Variants in SHTN1 observed in about 807,000 individuals in gnomAD.
SHTN1 encodes the protein shootin 1, also known as shootin-1.
In SHTN1, 42 loss-of-function variants were observed where a neutral mutation model predicts 83.1. The ratio of observed to expected loss-of-function variants is 0.51; its 90% CI spans 0.39 to 0.65. The LOEUF is 0.65. Among genes scored for constraint, SHTN1 ranks in the 30% least tolerant of loss-of-function variants. SHTN1 has a pLI of 0.00. For missense variants in SHTN1, 622 were observed against 737.8 expected (o/e 0.84, Z 1.82); for synonymous variants, 224 against 247.7 (o/e 0.90, Z 0.90).
rs546242994 is a variant in SHTN1, at chr10:116,998,006, G to T, written c.58+7016C>A. Among the ~76,000 whole-genome samples the T allele has an allele frequency of 6.6e-5, 10 of 152,244 alleles. No homozygotes were observed. The South Asian group carries it at 1.9e-3, about 28-fold the overall frequency. ...ACTCGGGAGGCAGAGGCAGGAGAAT[G>T]GTGTGAACCTGGGAGGCGGAGCTTG... On this transcript the variant is annotated intron_variant, in intron 1 of 16. Transcript: ENST00000355371.
intron 1 of SHTN1, among the ~76,000 whole-genome samples, chr10:116,982,904 A>T (rs1370065668): frequency 1.3e-5 from 2 of 151,878 alleles, no homozygotes; most frequent in Non-Finnish European, 2.9e-5. Flanking sequence ...CGGAGGTTGC[A>T]GTGAGCCGAG....
At chr10:116,931,855 A>T (rs1848980706) in intron 9 of SHTN1, among the ~76,000 whole-genome samples, 1 of 152,248 alleles carries the variant, frequency 6.6e-6, no homozygotes, top group Non-Finnish European at 1.5e-5. Context: ...GCTGTATTTT[A>T]AAAATGTATT....
intron 16 of SHTN1, among the ~76,000 whole-genome samples, chr10:116,897,608 G>A (rs937966176): frequency 6.6e-6 from 1 of 152,188 alleles, no homozygotes; most frequent in South Asian, 2.1e-4. Context: ...CAATATAATT[G>A]TAAGATAAGA....
At chr10:116,979,405 G>T in intron 1 of SHTN1, 97 bp from the exon 2 acceptor site, 1 of 932,924 alleles carries the variant, frequency 1.1e-6, no homozygotes, top group Non-Finnish European at 1.7e-6. Flanking sequence ...TTCTTACTAG[G>T]TTGAGGTAGG....
chr10:116,908,653 G>C (rs1479108952), intron 14 of SHTN1, among the ~76,000 whole-genome samples: 1 of 152,094 alleles, frequency 6.6e-6, no homozygotes, highest in East Asian at 1.9e-4. Context: ...TCAATGGCTT[G>C]ATTTAATTCA....
chr10:116,930,743 C>T (rs144719476), intron 9 of SHTN1, among the ~76,000 whole-genome samples: 164 of 152,224 alleles, frequency 1.1e-3, no homozygotes, highest in Non-Finnish European at 1.8e-3. Flanking sequence ...GGGCATATAT[C>T]CAATAATGGG....
At chr10:116,923,890 C>T (rs1041501366) in intron 11 of SHTN1, among the ~76,000 whole-genome samples, 1 of 152,054 alleles carries the variant, frequency 6.6e-6, no homozygotes, top group African/African-American at 2.4e-5. Flanking sequence ...CTTTTTTTTA[C>T]TTTTCACTTC....
intron 1 of SHTN1, among the ~76,000 whole-genome samples, chr10:117,057,556 C>T (rs1898349): frequency 0.25 from 38,530 of 152,008 alleles, 6,088 homozygotes; most frequent in African/African-American, 0.44. Flanking sequence ...TCCCTTTTCC[C>T]TTCATTTTTC....
intron 1 of SHTN1, among the ~76,000 whole-genome samples, chr10:117,090,753 A>AGAAGGAAGGAAGGAAGGAAG (rs56409103): frequency 3.1e-5 from 3 of 97,506 alleles, no homozygotes. Context: ...TTGTGAAAAC[A>AGAAGGAAGGAAGGAAGGAAG]GAAGGAAGGA....
At position 116,883,934 on chromosome 10, in the gene SHTN1, AT is replaced by A. The variant is rs1255905145; in HGVS notation, c.*2409del. ...TATTCTTCCAGAAAAAAAAAGAGAC[AT>A]TTTCTTTTTCTTTAATAGCAATGGC... On this transcript the variant is annotated 3_prime_UTR_variant, in exon 17 of 17. Coordinates refer to ENST00000355371, the MANE Select transcript of SHTN1 (RefSeq NM_001127211.3). 2 of 191,004 alleles carry A rather than the reference AT, an allele frequency of 1.0e-5. No individual in the cohort carries two copies. Among genetic ancestry groups the A allele is most frequent in the African/African-American group, 2.4e-5 (1 of 41,658 alleles). The allele number at this position is 191,004 out of a possible 1,614,324, so 11.8% of individuals were successfully genotyped here. A position where few individuals can be genotyped will look rare whatever the true frequency, so the allele number is the denominator to read the frequency against.
At chr10:116,979,331 C>T (rs747065462) in intron 1 of SHTN1, 23 bp from the exon 2 acceptor site, 1 of 1,605,066 alleles carries the variant, frequency 6.2e-7, no homozygotes, top group East Asian at 2.2e-5. Flanking sequence ...AGGAAAGCAA[C>T]ATTACAACAC....
chr10:117,072,618 T>C (rs1367005823), intron 1 of SHTN1, among the ~76,000 whole-genome samples: 1 of 151,860 alleles, frequency 6.6e-6, no homozygotes, highest in Non-Finnish European at 1.5e-5. Flanking sequence ...GAGATAACAA[T>C]CACTACAGCT....
intron 1 of SHTN1, among the ~76,000 whole-genome samples, chr10:116,996,292 G>GT (rs1338472315): frequency 1.3e-5 from 2 of 152,056 alleles, no homozygotes; most frequent in African/African-American, 2.4e-5. Context: ...AATTCTTTTA[G>GT]TTTTTTCTGA....
intron 1 of SHTN1, among the ~76,000 whole-genome samples, chr10:116,987,905 C>T (rs1337876208): frequency 6.6e-6 from 1 of 151,282 alleles, no homozygotes; most frequent in Non-Finnish European, 1.5e-5. Flanking sequence ...CAGCGAGACT[C>T]CGTCTCAAAA....
intron 2 of SHTN1, among the ~76,000 whole-genome samples, chr10:117,034,004 C>T (rs569063888): frequency 7.2e-5 from 11 of 151,996 alleles, no homozygotes; most frequent in Non-Finnish European, 1.3e-4. Flanking sequence ...TCTAAAAAAC[C>T]GGGTATAGAA....
At chr10:117,103,931 T>C (rs1055083921) in intron 1 of SHTN1, among the ~76,000 whole-genome samples, 1 of 152,210 alleles carries the variant, frequency 6.6e-6, no homozygotes, top group African/African-American at 2.4e-5. Context: ...TAATGGTAAT[T>C]ACAAATTAAT....
At position 116,952,011 on chromosome 10, in the gene SHTN1, A is replaced by G. The variant is rs1849794506; in HGVS notation, c.437-5T>C. 2.1e-6 allele frequency: 3 copies of G among 1,436,078 alleles called. No individual in the cohort carries two copies. The African/African-American group carries it at 4.3e-5, about 21-fold the overall frequency. The allele number at this position is 1,436,078 out of a possible 1,614,324, so 89.0% of individuals were successfully genotyped here. On this transcript the variant is annotated splice_polypyrimidine_tract_variant and splice_region_variant and intron_variant, in intron 5 of 16. Transcript: ENST00000355371. The stretch of plus-strand genomic sequence containing the variant: ...ATACAATTTGATCTCGAAGTTCTGC[A>G]TTTTTAAAGAAAAAAAATATATAAA...
At chr10:117,000,214 C>T (rs1851777032) in intron 1 of SHTN1, among the ~76,000 whole-genome samples, 1 of 152,254 alleles carries the variant, frequency 6.6e-6, no homozygotes, top group Non-Finnish European at 1.5e-5. Context: ...CTCATATGCA[C>T]CCAAGATTGT....
At chr10:117,000,099 T>A (rs1303797695) in intron 1 of SHTN1, among the ~76,000 whole-genome samples, 1 of 152,180 alleles carries the variant, frequency 6.6e-6, no homozygotes, top group African/African-American at 2.4e-5. Context: ...GTGATTCAGA[T>A]GCAGCTGGCC....
Sources: gnomAD v4.1 joint callset for allele counts (sites outside exome capture counted in the v4.1 genomes callset) on GRCh38, gnomAD v4.1.1 for gene constraint, MANE v1.5 for transcripts, NCBI Gene and HGNC (gene_info 2026-07-23, HGNC 2026-07-21) for gene names.